SIK3: variants seen among roughly 807,000 people sequenced by gnomAD.
The protein encoded by SIK3 is SIK family kinase 3.
Under a neutral mutation model 144.2 loss-of-function variants are expected in SIK3, and 28 were observed. The observed-to-expected ratio is 0.19, with a 90% CI of 0.14 to 0.27. SIK3 has a LOEUF of 0.27. SIK3 is among the 10% of genes least tolerant of loss of function. The pLI, the probability that SIK3 is intolerant of heterozygous loss-of-function variation, is 1.00. For missense variants in SIK3, 1,319 were observed against 1,776.0 expected, an observed-to-expected ratio of 0.74 and a Z score of 4.62; for synonymous variants, 686 against 676.3, an observed-to-expected ratio of 1.01 and a Z score of -0.22.
intron 1 of SIK3, among the ~76,000 whole-genome samples, chr11:117,040,946 T>C (rs1044428205): frequency 8.0e-6 from 1 of 124,828 alleles, no homozygotes; most frequent in Admixed American, 7.7e-5. Flanking sequence ...GTTACCTGCC[T>C]CCTTTTTTTT....
chr11:116,845,830 C>T (rs1941894528), intron 24 of SIK3, among the ~76,000 whole-genome samples: 1 of 152,208 alleles, frequency 6.6e-6, no homozygotes, highest in African/African-American at 2.4e-5. Flanking sequence ...CCAGATACAA[C>T]CAATGGTGCC....
intron 3 of SIK3, among the ~76,000 whole-genome samples, chr11:116,935,485 T>G (rs1438461857): frequency 6.6e-6 from 1 of 152,114 alleles, no homozygotes; most frequent in Non-Finnish European, 1.5e-5. Flanking sequence ...TTCACAGTAA[T>G]GTATAAGGAA....
intron 1 of SIK3, among the ~76,000 whole-genome samples, chr11:117,003,996 G>C (rs1950952055): frequency 6.6e-6 from 1 of 152,050 alleles, no homozygotes; most frequent in South Asian, 2.1e-4. Context: ...GGAGAATATG[G>C]GGAAAAAAGC....
Position 117,032,380 on chromosome 11 carries a change from G to C in SIK3, c.273+65763C>G, listed in dbSNP as rs572349268. On this transcript the variant is annotated intron_variant, in intron 1 of 24. Coordinates refer to ENST00000445177, the MANE Select transcript of SIK3 (RefSeq NM_001366686.3). ...CAGTATACAAGTAAGTCCTATATAC[G>C]TTTTGTTAGATATATGCTCAAGTAT... Among the ~76,000 whole-genome samples the C allele has an allele frequency of 5.3e-4, 80 of 152,216 alleles. 1 individual carries two copies. The highest frequency in any genetic ancestry group is 1.6e-3 in the African/African-American group (68 of 41,534).
chr11:116,941,448 G>C (rs1449156655), intron 3 of SIK3, among the ~76,000 whole-genome samples: 1 of 147,996 alleles, frequency 6.8e-6, no homozygotes, highest in Non-Finnish European at 1.5e-5. Flanking sequence ...GTACATAGTA[G>C]TGTTCAAACA....
intron 1 of SIK3, among the ~76,000 whole-genome samples, chr11:117,075,698 C>T (rs1235571503): frequency 1.3e-5 from 2 of 150,926 alleles, no homozygotes; most frequent in African/African-American, 4.9e-5. Context: ...CCCGCCACCA[C>T]ACCTGGCTAA....
chr11:116,860,285 C>A (rs528633058), intron 19 of SIK3, among the ~76,000 whole-genome samples: 1 of 152,172 alleles, frequency 6.6e-6, no homozygotes, highest in East Asian at 1.9e-4. Flanking sequence ...GGAATACGAC[C>A]TGAGATCTTA....
intron 3 of SIK3, among the ~76,000 whole-genome samples, chr11:116,946,014 T>C (rs1027158250): frequency 6.6e-5 from 10 of 152,156 alleles, no homozygotes; most frequent in Admixed American, 5.9e-4. Flanking sequence ...ACCTAAAAAA[T>C]TGCCTACACC....
At chr11:117,074,385 T>TA (rs1954412177) in intron 1 of SIK3, among the ~76,000 whole-genome samples, 1 of 152,218 alleles carries the variant, frequency 6.6e-6, no homozygotes, top group Non-Finnish European at 1.5e-5. Flanking sequence ...AGTAGACAGA[T>TA]ACTCAAATAG....
rs537726017 is a variant in SIK3 at position 117,075,481 on chromosome 11, T to A, written c.273+22662A>T. ...ATTTATTCCTTCTAGGCAAACTTCC[T>A]GACTTGCTATACGTATCTATGTGCT... On this transcript the variant is annotated intron_variant, in intron 1 of 24. Transcript: ENST00000445177. Among the ~76,000 whole-genome samples the A allele has an allele frequency of 3.5e-4, 53 of 152,288 alleles. 1 individual carries two copies. The highest frequency in any genetic ancestry group is 1.3e-3 in the African/African-American group (53 of 41,574).
At chr11:117,091,357 A>C (rs1955242723) in intron 1 of SIK3, among the ~76,000 whole-genome samples, 1 of 151,834 alleles carries the variant, frequency 6.6e-6, no homozygotes, top group Non-Finnish European at 1.5e-5. Context: ...GGCATGTACC[A>C]CCACGCCTGG....
chr11:116,971,789 A>G (rs997696634), intron 1 of SIK3, among the ~76,000 whole-genome samples: 11 of 152,220 alleles, frequency 7.2e-5, no homozygotes, highest in Non-Finnish European at 1.3e-4. Flanking sequence ...ACTGCACTTG[A>G]AAAAAATGAG....
chr11:116,866,926 A>G (rs1290680752), intron 15 of SIK3, among the ~76,000 whole-genome samples: 1 of 152,174 alleles, frequency 6.6e-6, no homozygotes, highest in East Asian at 1.9e-4. Context: ...TAGGGTTCCA[A>G]CGTGGCACTA....
At position 116,967,003 on chromosome 11, in the gene SIK3, C is replaced by CAAA. The variant is rs780692335; in HGVS notation, c.274-9942_274-9940dup. 1.4e-4 allele frequency among the ~76,000 whole-genome samples: 14 copies of CAAA among 100,146 alleles called. No homozygotes were observed. The South Asian group carries it at 2.4e-3, about 17-fold the overall frequency. The allele number at this position is 100,146 out of a possible 152,430, so 65.7% of individuals were successfully genotyped here. A position where few individuals can be genotyped will look rare whatever the true frequency, so the allele number is the denominator to read the frequency against. On this transcript the variant is annotated intron_variant, in intron 1 of 24. Coordinates refer to ENST00000445177, the MANE Select transcript of SIK3 (RefSeq NM_001366686.3). ...CTGGTGACAGAGCAAGACTCTGTTTCAAAAAAAAAAAGAAAAAGAAAAAGA... is the reference window on the plus strand; with the variant it reads ...CTGGTGACAGAGCAAGACTCTGTTTCAAAAAAAAAAAAAAGAAAAAGAAAAAGA...
chr11:116,846,580 GT>G lies in SIK3; in HGVS notation c.3953-28del, dbSNP rs751417752. ...TGCAAGACCAAAAAGAACGTATGAGGTTGGCAGGGAACTGGGGGACTAGGAG... is the reference window on the plus strand; with the variant it reads ...TGCAAGACCAAAAAGAACGTATGAGGTGGCAGGGAACTGGGGGACTAGGAG... On this transcript the variant is annotated intron_variant, in intron 23 of 24. Coordinates refer to ENST00000445177, the MANE Select transcript of SIK3 (RefSeq NM_001366686.3). The surrounding 1 kb of genome is among the most constrained non-coding windows in gnomAD (Gnocchi z 4.1). 1.2e-6 allele frequency: 2 copies of G among 1,613,704 alleles called. No individual in the cohort carries two copies. The highest frequency in any genetic ancestry group is 1.1e-5 in the South Asian group (1 of 91,030).
chr11:117,045,562 T>C (rs536413748), intron 1 of SIK3, among the ~76,000 whole-genome samples: 2 of 152,338 alleles, frequency 1.3e-5, no homozygotes, highest in East Asian at 3.9e-4. Context: ...TGGTTTTCAC[T>C]AGAGGCACTG....
intron 1 of SIK3, chr11:117,036,184 A>C (rs1952492233): frequency 2.2e-6 from 1 of 446,932 alleles, no homozygotes; most frequent in Non-Finnish European, 3.9e-6. Flanking sequence ...GCCTCCCAAA[A>C]TGTTGGGATT....
chr11:117,006,485 C>T (rs763465604), intron 1 of SIK3, among the ~76,000 whole-genome samples: 1 of 151,984 alleles, frequency 6.6e-6, no homozygotes, highest in Non-Finnish European at 1.5e-5. Context: ...AGTGAAAGTG[C>T]GAGGTGGTGA....
chr11:116,969,062 G>A (rs1248525590), intron 1 of SIK3, among the ~76,000 whole-genome samples: 1 of 152,012 alleles, frequency 6.6e-6, no homozygotes, highest in East Asian at 1.9e-4. Flanking sequence ...AGGCCGAGGC[G>A]GGTGGATCAC....
Sources: allele counts gnomAD v4.1 joint callset (sites outside exome capture counted in the v4.1 genomes callset), GRCh38; gene constraint gnomAD v4.1.1; non-coding constraint Gnocchi (gnomAD v3.1); transcripts MANE v1.5; gene names NCBI Gene and HGNC (gene_info 2026-07-23, HGNC 2026-07-21).